PCDHA3: variants seen among roughly 807,000 people sequenced by gnomAD.
PCDHA3 encodes protocadherin alpha 3, also known as protocadherin alpha-3.
In PCDHA3, 41 loss-of-function variants were observed where a neutral mutation model predicts 62.2. That is an observed-to-expected ratio of 0.66 (90% CI 0.51 to 0.86). PCDHA3 has a LOEUF of 0.86. PCDHA3 is among the 40% of genes least tolerant of loss of function. PCDHA3 has a pLI of 0.00. For missense variants in PCDHA3, 1,304 were observed against 1,241.2 expected (o/e 1.05, Z -0.76); for synonymous variants, 640 against 555.4 (o/e 1.15, Z -2.14).
At chr5:140,803,635 C>A (rs1763253156) in intron 1 of PCDHA3, 44 bp downstream of exon 1, 2 of 1,613,642 alleles carry the variant, frequency 1.2e-6, no homozygotes, top group Non-Finnish European at 8.5e-7. Flanking sequence ...CTTTGTTTTT[C>A]ATTCCTCAAT....
At chr5:140,927,619 C>T (rs2084429859) in intron 1 of PCDHA3, 3 of 1,614,170 alleles carry the variant, frequency 1.9e-6, no homozygotes, top group Non-Finnish European at 2.5e-6. Flanking sequence ...CACCAAGGTT[C>T]CAGAGACTGC....
chr5:140,967,217 C>T, intron 1 of PCDHA3: 1 of 1,613,682 alleles, frequency 6.2e-7, no homozygotes, highest in Non-Finnish European at 8.5e-7. Flanking sequence ...TTTCCCGCGG[C>T]CCAACTACCA....
At chr5:140,875,667 G>T in intron 1 of PCDHA3, 1 of 1,613,820 alleles carries the variant, frequency 6.2e-7, no homozygotes, top group Non-Finnish European at 8.5e-7. Flanking sequence ...GCCTGTTCCG[G>T]GTGGCGTCCA....
intron 1 of PCDHA3, chr5:140,841,311 G>C: frequency 1.3e-6 from 2 of 1,582,248 alleles, no homozygotes; most frequent in Non-Finnish European, 1.7e-6. Context: ...GATAGGAAAC[G>C]ACTATTTAAC....
At chr5:140,887,130 T>C (rs1164233833) in intron 1 of PCDHA3, among the ~76,000 whole-genome samples, 1 of 151,716 alleles carries the variant, frequency 6.6e-6, no homozygotes, top group African/African-American at 2.4e-5. Context: ...GGAGTCTCAC[T>C]CTGTCGCCCA....
intron 1 of PCDHA3, chr5:140,929,740 A>G (rs2086345950): frequency 5.1e-6 from 1 of 196,656 alleles, no homozygotes; most frequent in African/African-American, 2.3e-5. Context: ...AACTATTGCA[A>G]TGCATTATTA....
At chr5:140,906,963 G>C (rs150934602) in intron 1 of PCDHA3, among the ~76,000 whole-genome samples, 2 of 152,216 alleles carry the variant, frequency 1.3e-5, no homozygotes, top group African/African-American at 4.8e-5. Context: ...TAATGGAATC[G>C]TGGTTGTGTC....
At chr5:140,920,851 A>C (rs1370021063) in intron 1 of PCDHA3, among the ~76,000 whole-genome samples, 1 of 152,008 alleles carries the variant, frequency 6.6e-6, no homozygotes, top group Non-Finnish European at 1.5e-5. Flanking sequence ...TAAAAAAAAA[A>C]AAAAAAACAA....
At position 140,968,158 on chromosome 5, in the gene PCDHA3, C is replaced by T. The variant is rs191279827; in HGVS notation, c.2395-10791C>T. The T allele has an allele frequency of 3.7e-6, 6 of 1,614,124 alleles. No individual in the cohort carries two copies. The African/African-American group carries it at 4.0e-5, about 11-fold the overall frequency. On this transcript the variant is annotated intron_variant, in intron 1 of 3. Transcript: ENST00000522353. ...AGGTTGAGATCTCTGACATCAATGA[C>T]AATCCACCAAGCTTCCTGGAGGACT...
chr5:140,834,465 A>G, intron 1 of PCDHA3: 1 of 1,614,150 alleles, frequency 6.2e-7, no homozygotes, highest in Non-Finnish European at 8.5e-7. Context: ...GGAGGCAGGG[A>G]GAGGCCAGCT....
At chr5:140,836,640 C>T (rs1554136168) in intron 1 of PCDHA3, 21 of 1,613,350 alleles carry the variant, frequency 1.3e-5, no homozygotes, top group Non-Finnish European at 1.6e-5. Context: ...ATTCTCCCAG[C>T]AGAGGCGGCA....
At position 140,851,390 on chromosome 5, in the gene PCDHA3, C is replaced by A. The variant is rs1410826615; in HGVS notation, c.2394+47799C>A. The A allele has an allele frequency of 2.3e-5, 22 of 973,626 alleles. 2 individuals are homozygous for A. In the African/African-American group the frequency reaches 3.7e-4, roughly 16 times the overall value. The allele number at this position is 973,626 out of a possible 1,614,324, so 60.3% of individuals were successfully genotyped here. A position where few individuals can be genotyped will look rare whatever the true frequency, so the allele number is the denominator to read the frequency against. On this transcript the variant is annotated intron_variant, in intron 1 of 3. Transcript: ENST00000522353. ...CTGATTGTTCAGCAACCTTCAGTAT[C>A]TATTATTTTAATAAGAAAGAAACTT...
At chr5:140,829,378 C>G in intron 1 of PCDHA3, 1 of 1,614,180 alleles carries the variant, frequency 6.2e-7, no homozygotes, top group Non-Finnish European at 8.5e-7. Context: ...CCGCGCGGGA[C>G]GGGGGCTCGC....
rs2058926605 is a variant in PCDHA3, at chr5:140,882,051, AC to A, written c.2394+78461del. The A allele has an allele frequency of 7.9e-6, 6 of 757,556 alleles. No homozygotes were observed. The Admixed American group carries it at 1.6e-4, about 20-fold the overall frequency. 46.9% of individuals were successfully genotyped at this position (757,556 alleles called of 1,614,324 possible). A position where few individuals can be genotyped will look rare whatever the true frequency, so the allele number is the denominator to read the frequency against. ...AAAATATGAAGACTGAGTCATACTT[AC>A]ACTTACACGTTCATGCGCATGGTGT... On this transcript the variant is annotated intron_variant, in intron 1 of 3. Coordinates refer to ENST00000522353, the MANE Select transcript of PCDHA3 (RefSeq NM_018906.3).
At chr5:140,957,130 A>C in intron 1 of PCDHA3, among the ~76,000 whole-genome samples, 1 of 152,188 alleles carries the variant, frequency 6.6e-6, no homozygotes, top group Middle Eastern at 3.2e-3. Flanking sequence ...TCTTTACTAC[A>C]CTATGAACTA....
At chr5:140,910,935 C>T (rs192394348) in intron 1 of PCDHA3, among the ~76,000 whole-genome samples, 4 of 152,192 alleles carry the variant, frequency 2.6e-5, no homozygotes, top group African/African-American at 9.6e-5. Context: ...TAAGAAAGCT[C>T]AAGCAGTTCT....
chr5:140,858,550 C>T, intron 1 of PCDHA3: 1 of 1,392,416 alleles, frequency 7.2e-7, no homozygotes. Context: ...TCCATTTATG[C>T]TTGAATATTT....
At chr5:140,923,495 C>T (rs1274980788) in intron 1 of PCDHA3, among the ~76,000 whole-genome samples, 2 of 152,060 alleles carry the variant, frequency 1.3e-5, no homozygotes, top group African/African-American at 4.8e-5. Context: ...CACCACTGCA[C>T]TCCAGCCTGG....
chr5:140,823,259 A>T, intron 1 of PCDHA3: 10 of 1,613,038 alleles, frequency 6.2e-6, no homozygotes, highest in Non-Finnish European at 8.5e-6. Context: ...TCGCTGGTGG[A>T]GCGGCGGGTG....
Sources: allele counts gnomAD v4.1 joint callset (sites outside exome capture counted in the v4.1 genomes callset), GRCh38; gene constraint gnomAD v4.1.1; transcripts MANE v1.5; gene names NCBI Gene and HGNC (gene_info 2026-07-23, HGNC 2026-07-21).